Variants in RYR1 observed in about 807,000 individuals in gnomAD.
RYR1 encodes central core disease of muscle.
Under a neutral mutation model 583.5 loss-of-function variants are expected in RYR1, and 342 were observed. The ratio of observed to expected loss-of-function variants is 0.59; its 90% CI spans 0.54 to 0.64. The LOEUF (loss-of-function observed/expected upper bound fraction) is 0.64, where lower values mean the gene tolerates loss of function less well. RYR1 is among the 30% of genes least tolerant of loss of function. The pLI, the probability that RYR1 is intolerant of heterozygous loss-of-function variation, is 0.00. For synonymous variants in RYR1, 2,791 were observed against 2,822.5 expected (o/e 0.99, Z 0.35); for missense variants, 6,032 against 6,917.2 (o/e 0.87, Z 4.54).
chr19:38,535,045 C>T, intron 79 of RYR1, 96 bp from the exon 80 acceptor site: 1 of 1,291,546 alleles, frequency 7.7e-7, no homozygotes, highest in South Asian at 1.2e-5. Context: ...TCTTAAATCC[C>T]CTTCTCTCAC....
chr19:38,455,441 C>A lies in RYR1; in HGVS notation c.1577-10C>A, dbSNP rs767290501. On this transcript the variant is annotated splice_polypyrimidine_tract_variant and intron_variant, in intron 14 of 105. Coordinates refer to ENST00000359596, the MANE Select transcript of RYR1 (RefSeq NM_000540.3). ...AGTCCTATTGGATCTGACACCTCTTCCCCCCTCAGCTTCTCTAATCCGTGG... is the reference window on the plus strand; with the variant it reads ...AGTCCTATTGGATCTGACACCTCTTACCCCCTCAGCTTCTCTAATCCGTGG... 2 of 1,614,078 alleles carry A rather than the reference C, an allele frequency of 1.2e-6. No homozygotes were observed. The highest frequency in any genetic ancestry group is 1.1e-5 in the South Asian group (1 of 91,080).
At chr19:38,581,112 G>A (rs924134911) in intron 101 of RYR1, among the ~76,000 whole-genome samples, 22 of 149,076 alleles carry the variant, frequency 1.5e-4, no homozygotes, top group Admixed American at 1.3e-3. Context: ...TTGAGACAGA[G>A]TCTGGCCCAG....
chr19:38,577,348 G>A (rs79487156), intron 97 of RYR1, among the ~76,000 whole-genome samples: 6,782 of 152,122 alleles, frequency 0.045, 471 homozygotes, highest in African/African-American at 0.15. Context: ...ACTATAATTC[G>A]TTCACTCATA....
In RYR1 at chr19:38,442,455, T is replaced by C; in HGVS notation, c.270+2T>C. The C allele has an allele frequency of 6.2e-7, 1 of 1,608,726 alleles. No homozygotes were observed. Among genetic ancestry groups the C allele is most frequent in the Non-Finnish European group, 8.5e-7 (1 of 1,176,956 alleles). On this transcript the variant is annotated splice_donor_variant, in intron 3 of 105. Coordinates refer to ENST00000359596, the MANE Select transcript of RYR1 (RefSeq NM_000540.3). LOFTEE classifies it high-confidence loss of function. ...AACACGGTGGAGGCTGGCGTGGAGG[T>C]GAGGACCCCACCTGGGGGTGGGCGG...
At chr19:38,481,773 G>A (rs1457611753) in intron 31 of RYR1, among the ~76,000 whole-genome samples, 2 of 152,006 alleles carry the variant, frequency 1.3e-5, no homozygotes, top group Non-Finnish European at 2.9e-5. Context: ...GTGGCAGAGC[G>A]AGACACTGCT....
chr19:38,443,544 C>G lies in RYR1; in HGVS notation c.271-14C>G. 6.2e-7 allele frequency: 1 copy of G among 1,612,458 alleles called. No individual in the cohort carries two copies. Among genetic ancestry groups the G allele is most frequent in the East Asian group, 2.2e-5 (1 of 44,850 alleles). ...GGGATCTGTGCTTATTCTGTTCCCTCCCTCCCCCTGCAGTCATCCCAGGGC... is the reference window on the plus strand; with the variant it reads ...GGGATCTGTGCTTATTCTGTTCCCTGCCTCCCCCTGCAGTCATCCCAGGGC... On this transcript the variant is annotated splice_polypyrimidine_tract_variant and intron_variant, in intron 3 of 105. Transcript: ENST00000359596.
At chr19:38,447,120 G>A (rs944253046) in intron 9 of RYR1, among the ~76,000 whole-genome samples, 2 of 152,122 alleles carry the variant, frequency 1.3e-5, no homozygotes, top group Admixed American at 6.6e-5. Context: ...GCTACTTTGT[G>A]GGGCTGAGGT....
chr19:38,505,165 C>A, intron 52 of RYR1, 84 bp downstream of exon 52: 1 of 1,317,042 alleles, frequency 7.6e-7, no homozygotes, highest in Non-Finnish European at 1.1e-6. Flanking sequence ...GGCCCCAGAT[C>A]TCCCTGAGAC....
At chr19:38,456,840 A>T (rs958541318) in intron 16 of RYR1, among the ~76,000 whole-genome samples, 56 of 151,232 alleles carry the variant, frequency 3.7e-4, no homozygotes, top group Non-Finnish European at 6.6e-4. Context: ...AGGTCAGGAG[A>T]TCGAGACCAT....
At chr19:38,506,059 G>A in intron 54 of RYR1, 113 bp downstream of exon 54, 1 of 1,389,876 alleles carries the variant, frequency 7.2e-7, no homozygotes, top group Admixed American at 2.0e-5. Context: ...GGAGGTAGGT[G>A]GGGCAAGAGG....
At chr19:38,434,019 C>T (rs1488066195) in intron 1 of RYR1, 145 bp downstream of exon 1, 1 of 797,142 alleles carries the variant, frequency 1.3e-6, no homozygotes, top group African/African-American at 1.7e-5. Context: ...GACTGTCACT[C>T]TGTCTTTTAG....
At position 38,496,135 on chromosome 19, in the gene RYR1, G is replaced by A. The variant is rs1174727889; in HGVS notation, c.6549-80G>A. 8.7e-7 allele frequency: 1 copy of A among 1,146,488 alleles called. No homozygotes were observed. The allele number at this position is 1,146,488 out of a possible 1,614,324, so 71.0% of individuals were successfully genotyped here. ...GGCACAGAGTGAGAGGGTCAAGAATGCCAACGCTGTCACAGTGGTGGCTAT... is the reference window on the plus strand; with the variant it reads ...GGCACAGAGTGAGAGGGTCAAGAATACCAACGCTGTCACAGTGGTGGCTAT... On this transcript the variant is annotated intron_variant, in intron 39 of 105. Coordinates refer to ENST00000359596, the MANE Select transcript of RYR1 (RefSeq NM_000540.3). The surrounding 1 kb of genome is among the most constrained non-coding windows in gnomAD (Gnocchi z 4.8).
In RYR1 at chr19:38,458,161, C is replaced by A. The variant is rs2145408840; in HGVS notation, c.2036C>A (p.Thr679Asn). 1 of 1,614,018 alleles carries A rather than the reference C, an allele frequency of 6.2e-7. No homozygotes were observed. The highest frequency in any genetic ancestry group is 1.6e-4 in the Middle Eastern group (1 of 6,062). The change falls in exon 18 of 106, where the codon ACC becomes AAC. Residue 679 changes from threonine to asparagine, a missense_variant. By Grantham distance (65) the Thr-to-Asn change is moderately conservative. This residue lies in a region of RYR1 where 2,627 missense variants were observed against 2,961.3 expected (regional missense o/e 0.89). Transcript: ENST00000359596. ...EVTPFLTAQATHLRVGWALTE... is the reference protein window; with the variant it reads ...EVTPFLTAQANHLRVGWALTE... ...ACTCCATTTCTGACAGCTCAGGCCA[C>A]CCACTTGCGGGTGGGCTGGGCCCTC...
rs2960338 is a variant in RYR1 at position 38,512,051 on chromosome 19, C to A, written c.9173-21C>A. ...TGTCCTCTTAGCCATGGCATCCCCC[C>A]GGCCCATCTTCCTCTCCCAGGGACA... On this transcript the variant is annotated intron_variant, in intron 61 of 105. Transcript: ENST00000359596. This position sits in a 1 kb window ranked among gnomAD's most constrained non-coding sequence, Gnocchi z 5.1. 2 of 1,611,946 alleles carry A rather than the reference C, an allele frequency of 1.2e-6. No homozygotes were observed.
chr19:38,508,923 G>GT (rs1404861610), intron 58 of RYR1, among the ~76,000 whole-genome samples: 1 of 152,194 alleles, frequency 6.6e-6, no homozygotes, highest in East Asian at 1.9e-4. Context: ...GCCGAAAAGG[G>GT]TGAGAACTGG....
At chr19:38,530,987 C>CTTTTTTTTTTTTTTTTTT (rs59244176) in intron 76 of RYR1, among the ~76,000 whole-genome samples, 10 of 129,376 alleles carry the variant, frequency 7.7e-5, no homozygotes, top group Non-Finnish European at 1.1e-4. Context: ...TTTTCTTTCT[C>CTTTTTTTTTTTTTTTTTT]TTTTTTTTTT....
chr19:38,528,938 C>T lies in RYR1; in HGVS notation c.11035-13C>T, dbSNP rs1971608283. 1.9e-6 allele frequency: 3 copies of T among 1,604,158 alleles called. No homozygotes were observed. The highest frequency in any genetic ancestry group is 2.7e-5 in the African/African-American group (2 of 74,822). ...CTAGAAACCCTCTCCCCAAGTCTCCCCTCTCCCACCAGAAAGCTGGGGAGC... is the reference window on the plus strand; with the variant it reads ...CTAGAAACCCTCTCCCCAAGTCTCCTCTCTCCCACCAGAAAGCTGGGGAGC... On this transcript the variant is annotated splice_polypyrimidine_tract_variant and intron_variant, in intron 75 of 105. Transcript: ENST00000359596.
Position 38,469,457 on chromosome 19 carries a change from T to C in RYR1, c.3709T>C (p.Phe1237Leu). Residue 1237 changes from phenylalanine to leucine, a missense_variant, in exon 27 of 106, where the codon TTC (phenylalanine) becomes CTC (leucine). Physicochemically the swap from Phe to Leu is conservative, Grantham distance 22. Around this residue, in one of 11 missense-constraint regions of RYR1, gnomAD observed 2,627 missense variants for 2,961.3 expected, o/e 0.89. Transcript: ENST00000359596. ...CATGCAGCGCCCAGTCACCACCTGG[T>C]TCAGCAAAGGCCTGCCCCAGTTTGA... ...INMQRPVTTW[F>L]SKGLPQFEPV... The C allele has an allele frequency of 6.2e-7, 1 of 1,614,142 alleles. No individual in the cohort carries two copies. Among genetic ancestry groups the C allele is most frequent in the Non-Finnish European group, 8.5e-7 (1 of 1,180,032 alleles).
In RYR1 at chr19:38,485,172, T is replaced by G. The variant is rs148448010; in HGVS notation, c.4935-418T>G. Among the ~76,000 whole-genome samples the G allele has an allele frequency of 4.0e-3, 604 of 152,194 alleles. 8 individuals are homozygous for G. Among genetic ancestry groups the G allele is most frequent in the African/African-American group, 0.014 (576 of 41,534 alleles). On this transcript the variant is annotated intron_variant, in intron 33 of 105. Transcript: ENST00000359596. ...CCCAGTCTGGGGGCCCAAACACATC[T>G]TGGAAACATCAGATGTTCTACATGG... is the stretch of plus-strand genomic sequence containing the variant.
Sources: gnomAD v4.1 joint callset for allele counts (sites outside exome capture counted in the v4.1 genomes callset) on GRCh38, gnomAD v4.1.1 for gene constraint, gnomAD v4.1.1 regional missense constraint, Gnocchi (gnomAD v3.1) non-coding constraint, MANE v1.5 for transcripts, NCBI Gene and HGNC (gene_info 2026-07-23, HGNC 2026-07-21) for gene names.